SUSD1: variants seen among roughly 807,000 people sequenced by gnomAD.
SUSD1 encodes the protein sushi domain containing 1, also known as sushi domain-containing protein 1.
A neutral mutation model predicts 86.9 loss-of-function variants in SUSD1; 65 were observed. The ratio of observed to expected loss-of-function variants is 0.75; its 90% confidence interval spans 0.61 to 0.92. The LOEUF is 0.92. SUSD1 is among the 40% of genes least tolerant of loss of function. The pLI, the probability that SUSD1 is intolerant of heterozygous loss-of-function variation, is 0.00. For synonymous variants in SUSD1, 346 were observed against 350.0 expected (o/e 0.99, Z 0.13); for missense variants, 850 against 929.7 (o/e 0.91, Z 1.11).
At position 112,165,987 on chromosome 9, in the gene SUSD1, A is replaced by AAG. The variant is rs1445761547; in HGVS notation, c.104-8376_104-8375dup. Among the ~76,000 whole-genome samples, 3 of 151,810 alleles carry AAG rather than the reference A, an allele frequency of 2.0e-5. No homozygotes were observed. In the East Asian group the frequency reaches 5.8e-4, roughly 29 times the overall value. ...AAAGAAAGAAAGAAAGAAAGAAAGA[A>AAG]AGAAAGAAAATAATTTAGCATAAGT... On this transcript the variant is annotated intron_variant, in intron 1 of 16. Coordinates refer to ENST00000374270, the MANE Select transcript of SUSD1 (RefSeq NM_022486.5).
intron 5 of SUSD1, among the ~76,000 whole-genome samples, chr9:112,138,215 CTCCATCTCAAAAAAAAAATGTGTATAT>C (rs1157940602): frequency 4.6e-4 from 4 of 8,658 alleles, no homozygotes; most frequent in African/African-American, 2.1e-3. Context: ...CACAGTGAGA[CTCCATCTCAAAAAAAAAATGTGTATAT>C]ATATATATAT....
intron 13 of SUSD1, 148 bp from the exon 14 acceptor site, chr9:112,058,834 A>G (rs531003057): frequency 1.2e-5 from 12 of 966,844 alleles, no homozygotes; most frequent in Non-Finnish European, 1.6e-5. Flanking sequence ...TTGCTCTGTC[A>G]CTAGGCTGGA....
rs1185109553 is a variant in SUSD1 at position 112,062,984 on chromosome 9, T to C, written c.1803A>G (p.Leu601=). 2.5e-6 allele frequency: 4 copies of C among 1,613,608 alleles called. No individual in the cohort carries two copies. Among genetic ancestry groups the C allele is most frequent in the South Asian group, 1.1e-5 (1 of 91,078 alleles). Residue 601 remains leucine, a synonymous_variant, in exon 13 of 17, where the codon CTA becomes CTG. Transcript: ENST00000374270. ...TGGCTTTCCTCAGTCTGAGGCGTGG[T>C]AGAGGTCCTCTGTGCACCGTAAAAA... is the stretch of plus-strand genomic sequence containing the variant. ...VEFFTVHRGP[L]PRLRLRKAKE...
At chr9:112,101,572 G>C (rs541411369) in intron 9 of SUSD1, among the ~76,000 whole-genome samples, 263 of 152,258 alleles carry the variant, frequency 1.7e-3, no homozygotes, top group African/African-American at 5.6e-3. Context: ...CCAGCTGGGC[G>C]TGGTGGCTCA....
At chr9:112,131,763 A>T (rs1161723234) in intron 5 of SUSD1, among the ~76,000 whole-genome samples, 1 of 152,250 alleles carries the variant, frequency 6.6e-6, no homozygotes, top group Non-Finnish European at 1.5e-5. Context: ...GCATAGGGGC[A>T]TTCATTAAAG....
rs149919314 is a variant in SUSD1, at chr9:112,057,656, C to A, written c.2109+772G>T. Among the ~76,000 whole-genome samples the A allele has an allele frequency of 9.8e-5, 15 of 152,288 alleles. 1 individual carries two copies. The highest frequency in any genetic ancestry group is 3.4e-4 in the African/African-American group (14 of 41,546). ...TGTTCATGACACATTACATTTGCAT[C>A]CCACACAGAATTTAATAGAGTGTCT... On this transcript the variant is annotated intron_variant, in intron 14 of 16. Coordinates refer to ENST00000374270, the MANE Select transcript of SUSD1 (RefSeq NM_022486.5).
intron 1 of SUSD1, among the ~76,000 whole-genome samples, chr9:112,163,575 C>A (rs1833659833): frequency 6.6e-6 from 1 of 151,982 alleles, no homozygotes; most frequent in Non-Finnish European, 1.5e-5. Flanking sequence ...GAGATCAAGG[C>A]TGCAGTGTGC....
At chr9:112,048,786 A>C (rs1828065375) in intron 15 of SUSD1, among the ~76,000 whole-genome samples, 1 of 152,256 alleles carries the variant, frequency 6.6e-6, no homozygotes, top group Non-Finnish European at 1.5e-5. Flanking sequence ...AACAGGTGGG[A>C]TAAGCAGAGA....
rs77819943 is a variant in SUSD1 at position 112,123,921 on chromosome 9, G to A, written c.886+336C>T. Among the ~76,000 whole-genome samples, 36 of 152,158 alleles carry A rather than the reference G, an allele frequency of 2.4e-4. 1 individual carries two copies. The East Asian group carries it at 4.8e-3, about 20-fold the overall frequency. The stretch of plus-strand genomic sequence containing the variant: ...TCATACCACCTTTTCTCTGAAAAGC[G>A]GTCAACAGGTGTTAAGTTAGGAGCA... On this transcript the variant is annotated intron_variant, in intron 6 of 16. Transcript: ENST00000374270.
intron 2 of SUSD1, among the ~76,000 whole-genome samples, chr9:112,153,402 G>C (rs1288213164): frequency 1.3e-5 from 2 of 152,150 alleles, no homozygotes; most frequent in African/African-American, 4.8e-5. Context: ...AGGTTGTCAA[G>C]GGCAAGAGCA....
chr9:112,049,888 A>G (rs1828114726), intron 15 of SUSD1, among the ~76,000 whole-genome samples: 1 of 152,248 alleles, frequency 6.6e-6, no homozygotes, highest in African/African-American at 2.4e-5. Flanking sequence ...GCTGAGGGGA[A>G]ACCAGAGCAC....
chr9:112,160,609 A>T (rs1833523230), intron 1 of SUSD1, among the ~76,000 whole-genome samples: 1 of 152,202 alleles, frequency 6.6e-6, no homozygotes, highest in Non-Finnish European at 1.5e-5. Context: ...CATGCCTGTA[A>T]TCTCAGCATT....
At chr9:112,154,040 T>C (rs1833182786) in intron 2 of SUSD1, among the ~76,000 whole-genome samples, 1 of 152,094 alleles carries the variant, frequency 6.6e-6, no homozygotes, top group Non-Finnish European at 1.5e-5. Context: ...CTACGACATC[T>C]CTAGGTGATA....
At chr9:112,116,302 T>C (rs183756248) in intron 6 of SUSD1, among the ~76,000 whole-genome samples, 74 of 152,298 alleles carry the variant, frequency 4.9e-4, no homozygotes, top group African/African-American at 1.5e-3. Flanking sequence ...TATAGGGGTG[T>C]CAGATATTTC....
chr9:112,112,223 C>G (rs1482699073), intron 7 of SUSD1: 2 of 186,480 alleles, frequency 1.1e-5, no homozygotes, highest in Non-Finnish European at 2.2e-5. Context: ...ATGCATCCCC[C>G]ACACATGCAC....
chr9:112,145,126 A>G (rs1486193781), intron 3 of SUSD1, among the ~76,000 whole-genome samples: 1 of 152,056 alleles, frequency 6.6e-6, no homozygotes, highest in Admixed American at 6.6e-5. Flanking sequence ...GTTCAATTCC[A>G]CTTGGAGAAA....
chr9:112,053,513 CAAAA>C (rs56987871), intron 14 of SUSD1, among the ~76,000 whole-genome samples: 5 of 77,664 alleles, frequency 6.4e-5, no homozygotes, highest in African/African-American at 1.2e-4. Context: ...GACTTCGTCT[CAAAA>C]AAAAAAAAAA....
chr9:112,048,051 C>T (rs1828031857), intron 15 of SUSD1, among the ~76,000 whole-genome samples: 1 of 152,196 alleles, frequency 6.6e-6, no homozygotes, highest in African/African-American at 2.4e-5. Flanking sequence ...AAGCTGCACT[C>T]CTTGCCATGT....
chr9:112,158,510 A>T (rs1172999632), intron 1 of SUSD1, among the ~76,000 whole-genome samples: 1 of 149,314 alleles, frequency 6.7e-6, no homozygotes. Flanking sequence ...CCCCACCTCA[A>T]CCTCCTAAGT....
Sources: gnomAD v4.1 joint callset for allele counts (sites outside exome capture counted in the v4.1 genomes callset) on GRCh38, gnomAD v4.1.1 for gene constraint, MANE v1.5 for transcripts, NCBI Gene and HGNC (gene_info 2026-07-23, HGNC 2026-07-21) for gene names.